Variants in ST18 observed in about 807,000 individuals in gnomAD.
ST18 encodes the protein ST18 C2H2C-type zinc finger transcription factor.
Under a neutral mutation model 110.0 loss-of-function variants are expected in ST18, and 50 were observed. The ratio of observed to expected loss-of-function variants is 0.45; its 90% CI spans 0.36 to 0.58. The LOEUF is 0.58. ST18 is among the 20% of genes least tolerant of loss of function. The probability of loss-of-function intolerance (pLI) is 0.00; values close to 1 mark genes in which losing one functional copy is unlikely to be tolerated. For missense variants in ST18, 1,306 were observed against 1,280.1 expected, an observed-to-expected ratio of 1.02 and a Z score of -0.31; for synonymous variants, 461 against 452.4, an observed-to-expected ratio of 1.02 and a Z score of -0.24.
intron 2 of ST18, among the ~76,000 whole-genome samples, chr8:52,353,358 C>T (rs1356657412): frequency 1.3e-5 from 2 of 152,172 alleles, no homozygotes; most frequent in South Asian, 2.1e-4. Context: ...TAATGTAGTG[C>T]CCTGTGGCAA....
chr8:52,358,062 T>C (rs908593975), intron 2 of ST18, among the ~76,000 whole-genome samples: 3 of 151,680 alleles, frequency 2.0e-5, no homozygotes, highest in African/African-American at 7.3e-5. Flanking sequence ...ACTGAAAAAT[T>C]TACATGTGTA....
intron 2 of ST18, among the ~76,000 whole-genome samples, chr8:52,285,704 G>A (rs2095460065): frequency 1.3e-5 from 2 of 152,204 alleles, no homozygotes; most frequent in Admixed American, 6.5e-5. Context: ...CCCTGCTGAT[G>A]CCCAGAAATG....
At chr8:52,388,968 T>C (rs1346829634) in intron 2 of ST18, among the ~76,000 whole-genome samples, 1 of 97,568 alleles carries the variant, frequency 1.0e-5, no homozygotes, top group Non-Finnish European at 2.2e-5. Context: ...AGTATAATAA[T>C]AATTTAAAAA....
chr8:52,302,478 G>C (rs938969902), intron 2 of ST18, among the ~76,000 whole-genome samples: 2 of 152,144 alleles, frequency 1.3e-5, no homozygotes, highest in African/African-American at 4.8e-5. Flanking sequence ...TTCAATGAGA[G>C]AGTCTGTCCG....
intron 8 of ST18, among the ~76,000 whole-genome samples, chr8:52,202,823 T>C (rs2078475897): frequency 6.6e-6 from 1 of 152,152 alleles, no homozygotes; most frequent in Non-Finnish European, 1.5e-5. Context: ...GAAAATAGGA[T>C]GGCGATGATA....
chr8:52,153,068 T>C (rs1453475871), intron 15 of ST18, among the ~76,000 whole-genome samples: 1 of 152,232 alleles, frequency 6.6e-6, no homozygotes, highest in Admixed American at 6.5e-5. Context: ...GGTAGGCTTG[T>C]GGCTATTTTC....
At chr8:52,386,112 T>C (rs1836629207) in intron 2 of ST18, among the ~76,000 whole-genome samples, 1 of 152,156 alleles carries the variant, frequency 6.6e-6, no homozygotes, top group African/African-American at 2.4e-5. Flanking sequence ...AGGAAAACTA[T>C]AGATAGTAGA....
chr8:52,176,312 G>A (rs1313445171), intron 9 of ST18, among the ~76,000 whole-genome samples: 3 of 152,124 alleles, frequency 2.0e-5, no homozygotes, highest in East Asian at 3.9e-4. Context: ...GTGAGCCACC[G>A]CGCCTGGCCA....
intron 2 of ST18, among the ~76,000 whole-genome samples, chr8:52,337,056 T>A (rs760114604): frequency 2.6e-5 from 4 of 152,246 alleles, no homozygotes. Flanking sequence ...CAGAATAACA[T>A]CGCCTTTTTA....
intron 2 of ST18, among the ~76,000 whole-genome samples, chr8:52,277,180 C>T (rs1332014170): frequency 6.6e-6 from 1 of 152,160 alleles, no homozygotes; most frequent in South Asian, 2.1e-4. Flanking sequence ...CCTCGGGAGC[C>T]GCAGGAAGCG....
chr8:52,382,030 T>C (rs1834782837), intron 2 of ST18, among the ~76,000 whole-genome samples: 1 of 151,450 alleles, frequency 6.6e-6, no homozygotes, highest in Non-Finnish European at 1.5e-5. Flanking sequence ...GAAAACCCTC[T>C]CTAGGAAAAC....
intron 2 of ST18, among the ~76,000 whole-genome samples, chr8:52,401,675 T>G (rs1300217810): frequency 6.6e-6 from 1 of 152,142 alleles, no homozygotes; most frequent in Non-Finnish European, 1.5e-5. Context: ...GATAGCTATC[T>G]CTTTGTGGAC....
chr8:52,298,329 A>C (rs1185704730), intron 2 of ST18, among the ~76,000 whole-genome samples: 1 of 152,236 alleles, frequency 6.6e-6, no homozygotes, highest in Non-Finnish European at 1.5e-5. Flanking sequence ...ACACATTCAA[A>C]GCATGGAATA....
chr8:52,162,538 G>T (rs1289493668), intron 13 of ST18, among the ~76,000 whole-genome samples: 1 of 152,028 alleles, frequency 6.6e-6, no homozygotes, highest in African/African-American at 2.4e-5. Flanking sequence ...ACTTTAAATG[G>T]CACTTCAATA....
intron 12 of ST18, 76 bp from the exon 13 acceptor site, chr8:52,164,166 A>T (rs1006676541): frequency 8.9e-7 from 1 of 1,121,354 alleles, no homozygotes; most frequent in Admixed American, 1.7e-5. Context: ...GCCTCACAGC[A>T]CACTTGGCAC....
intron 2 of ST18, among the ~76,000 whole-genome samples, chr8:52,265,885 G>A (rs1008319977): frequency 1.3e-5 from 2 of 152,204 alleles, no homozygotes; most frequent in Non-Finnish European, 2.9e-5. Flanking sequence ...AGCCTACAGT[G>A]AGGAAAGAAC....
chr8:52,331,057 T>C (rs1395891162), intron 2 of ST18, among the ~76,000 whole-genome samples: 1 of 152,172 alleles, frequency 6.6e-6, no homozygotes, highest in African/African-American at 2.4e-5. Context: ...ACAGTTTCCC[T>C]GGCTGCAGTT....
At chr8:52,138,949 T>A (rs2053655884) in intron 17 of ST18, among the ~76,000 whole-genome samples, 1 of 152,192 alleles carries the variant, frequency 6.6e-6, no homozygotes, top group Non-Finnish European at 1.5e-5. Flanking sequence ...CTTCCTGTGA[T>A]CCACTTTCCA....
chr8:52,242,887 T>G (rs139544404), intron 2 of ST18, among the ~76,000 whole-genome samples: 1,590 of 146,308 alleles, frequency 0.011, 18 homozygotes, highest in African/African-American at 0.039. Flanking sequence ...AAAAAAAAAA[T>G]GTACTTAGAA....
Sources: allele counts gnomAD v4.1 joint callset (sites outside exome capture counted in the v4.1 genomes callset), GRCh38; gene constraint gnomAD v4.1.1; transcripts MANE v1.5; gene names NCBI Gene and HGNC (gene_info 2026-07-23, HGNC 2026-07-21).